The following LRBA variants were observed in gnomAD, a reference collection of about 807,000 sequenced individuals.
LRBA encodes the protein LPS responsive beige-like anchor protein.
A neutral mutation model predicts 330.0 loss-of-function variants in LRBA; 176 were observed. The ratio of observed to expected loss-of-function variants is 0.53; its 90% CI spans 0.47 to 0.60. The LOEUF is 0.60. LRBA is among the 20% of genes least tolerant of loss of function. The pLI is 0.00. For synonymous variants in LRBA, 1,230 were observed against 1,193.0 expected, an observed-to-expected ratio of 1.03 and a Z score of -0.64; for missense variants, 3,259 against 3,444.8, an observed-to-expected ratio of 0.95 and a Z score of 1.35.
intron 40 of LRBA, among the ~76,000 whole-genome samples, chr4:150,527,885 T>G (rs185414745): frequency 6.6e-4 from 100 of 152,340 alleles, no homozygotes; most frequent in African/African-American, 2.2e-3. Context: ...CAAAGACAAC[T>G]GACATAAGTA....
intron 40 of LRBA, among the ~76,000 whole-genome samples, chr4:150,494,664 A>G (rs1023138293): frequency 6.6e-6 from 1 of 152,208 alleles, no homozygotes; most frequent in African/African-American, 2.4e-5. Context: ...TGCAAGTGTC[A>G]TAGTCCTTTA....
intron 37 of LRBA, 86 bp downstream of exon 37, chr4:150,683,465 T>C (rs1783230030): frequency 2.9e-6 from 3 of 1,021,072 alleles, no homozygotes; most frequent in Non-Finnish European, 4.4e-6. Context: ...CTTCTTCATC[T>C]GGCTTTGATC....
At chr4:150,700,878 T>C (rs1785056531) in intron 36 of LRBA, among the ~76,000 whole-genome samples, 1 of 151,784 alleles carries the variant, frequency 6.6e-6, no homozygotes. Context: ...CCACTTCAGC[T>C]TTCTGAGTAG....
intron 34 of LRBA, among the ~76,000 whole-genome samples, chr4:150,765,744 T>C: frequency 6.6e-6 from 1 of 152,018 alleles, no homozygotes; most frequent in East Asian, 1.9e-4. Flanking sequence ...GACCCATATA[T>C]TAAGTAGGCA....
At chr4:150,759,733 AG>A (rs1211980857) in intron 35 of LRBA, among the ~76,000 whole-genome samples, 1 of 152,110 alleles carries the variant, frequency 6.6e-6, no homozygotes, top group Non-Finnish European at 1.5e-5. Context: ...CACGAAAAAA[AG>A]AATCTTTATC....
At position 150,806,244 on chromosome 4, in the gene LRBA, CAAATA is replaced by C. The variant is rs753113954; in HGVS notation, c.5518+22_5518+26del. On this transcript the variant is annotated intron_variant, in intron 33 of 56. Coordinates refer to ENST00000651943, the MANE Select transcript of LRBA (RefSeq NM_001364905.1). ...TTTAATCCTGAAATATAAATACATA[CAAATA>C]AAATAAAGAAAAACCACTTACTTGT... The C allele has an allele frequency of 7.4e-6, 11 of 1,483,130 alleles. 1 individual carries two copies. In the East Asian group the frequency reaches 9.9e-5, roughly 13 times the overall value. 91.9% of individuals were successfully genotyped at this position (1,483,130 alleles called of 1,614,324 possible). A position where few individuals can be genotyped will look rare whatever the true frequency, so the allele number is the denominator to read the frequency against.
chr4:150,798,035 C>T (rs777838050), intron 34 of LRBA, 46 bp downstream of exon 34: 3 of 1,270,930 alleles, frequency 2.4e-6, no homozygotes, highest in Non-Finnish European at 3.4e-6. Flanking sequence ...AAAACAAATT[C>T]ATGTGATAAT....
In LRBA at chr4:150,826,324, G is replaced by T. The variant is rs577516746; in HGVS notation, c.5171+1856C>A. 4.6e-5 allele frequency among the ~76,000 whole-genome samples: 7 copies of T among 152,278 alleles called. No individual in the cohort carries two copies. The East Asian group carries it at 1.2e-3, about 25-fold the overall frequency. The stretch of plus-strand genomic sequence containing the variant: ...GACAAACGTAACCTATTTGGGATGG[G>T]GGGGAAGCCACAAAGGATATTTATT... On this transcript the variant is annotated intron_variant, in intron 30 of 56. Transcript: ENST00000651943.
At chr4:150,341,527 A>G (rs1481452424) in intron 48 of LRBA, among the ~76,000 whole-genome samples, 2 of 151,988 alleles carry the variant, frequency 1.3e-5, no homozygotes, top group Non-Finnish European at 2.9e-5. Flanking sequence ...TCATAGAGCC[A>G]TACTGTGCTC....
chr4:150,498,662 C>T (rs1759874455), intron 40 of LRBA, among the ~76,000 whole-genome samples: 1 of 151,926 alleles, frequency 6.6e-6, no homozygotes, highest in African/African-American at 2.4e-5. Flanking sequence ...AGATATTTAT[C>T]TAAATTAAAA....
At chr4:150,664,277 T>C (rs907804190) in intron 37 of LRBA, among the ~76,000 whole-genome samples, 2 of 152,190 alleles carry the variant, frequency 1.3e-5, no homozygotes, top group African/African-American at 2.4e-5. Flanking sequence ...TAATGGGGTA[T>C]AGATATAGAT....
chr4:150,294,689 C>T (rs527542833), intron 53 of LRBA, among the ~76,000 whole-genome samples: 8 of 152,282 alleles, frequency 5.3e-5, no homozygotes, highest in Non-Finnish European at 1.0e-4. Flanking sequence ...CAGTGGCTCA[C>T]GCCTGTAATC....
At chr4:150,755,674 C>T (rs2126427828) in intron 35 of LRBA, among the ~76,000 whole-genome samples, 2 of 152,002 alleles carry the variant, frequency 1.3e-5, no homozygotes, top group African/African-American at 4.8e-5. Flanking sequence ...TAAAACTATG[C>T]CGGTTTTTTT....
At chr4:150,569,676 A>G (rs1769602257) in intron 40 of LRBA, among the ~76,000 whole-genome samples, 1 of 152,160 alleles carries the variant, frequency 6.6e-6, no homozygotes, top group Non-Finnish European at 1.5e-5. Context: ...TTTATTTTCC[A>G]GTCGGTAATT....
chr4:150,481,315 T>C (rs1227971777), intron 42 of LRBA, among the ~76,000 whole-genome samples: 1 of 152,148 alleles, frequency 6.6e-6, no homozygotes, highest in African/African-American at 2.4e-5. Flanking sequence ...TGCAGATGTC[T>C]CTTCAATGTA....
At chr4:150,741,172 C>G (rs1731920802) in intron 35 of LRBA, among the ~76,000 whole-genome samples, 1 of 152,066 alleles carries the variant, frequency 6.6e-6, no homozygotes, top group South Asian at 2.1e-4. Context: ...AAATGAACTA[C>G]ATCAAAATTT....
chr4:150,340,943 T>G (rs1291209226), intron 48 of LRBA, among the ~76,000 whole-genome samples: 1 of 152,022 alleles, frequency 6.6e-6, no homozygotes, highest in African/African-American at 2.4e-5. Context: ...ATTCTATGTT[T>G]GATGTGAAAT....
At chr4:150,963,311 G>C (rs989342998) in intron 2 of LRBA, among the ~76,000 whole-genome samples, 3 of 149,152 alleles carry the variant, frequency 2.0e-5, no homozygotes, top group Non-Finnish European at 2.9e-5. Context: ...TCAGCCTGCC[G>C]AGTGCCTGGG....
intron 40 of LRBA, among the ~76,000 whole-genome samples, chr4:150,571,662 T>TG (rs925403882): frequency 1.4e-4 from 20 of 146,816 alleles, no homozygotes; most frequent in Non-Finnish European, 2.6e-4. Context: ...TTTTTTTTTT[T>TG]TTTTTTTTTT....
Sources: allele counts gnomAD v4.1 joint callset (sites outside exome capture counted in the v4.1 genomes callset), GRCh38; gene constraint gnomAD v4.1.1; transcripts MANE v1.5; gene names NCBI Gene and HGNC (gene_info 2026-07-23, HGNC 2026-07-21).